TYW3: variants seen among roughly 807,000 people sequenced by gnomAD.
The protein encoded by TYW3 is tRNA wybutosine-synthesizing protein 3 homolog.
In TYW3, 26 loss-of-function variants were observed where a neutral mutation model predicts 23.1. The ratio of observed to expected loss-of-function variants is 1.13; its 90% confidence interval spans 0.83 to 1.56. TYW3 has a LOEUF of 1.56. Among genes scored for constraint, TYW3 ranks in the 40% most tolerant of loss-of-function variants. TYW3 has a pLI of 0.00. For missense variants in TYW3, 316 were observed against 311.9 expected, an observed-to-expected ratio of 1.01 and a Z score of -0.10; for synonymous variants, 102 against 105.7, an observed-to-expected ratio of 0.97 and a Z score of 0.21.
At chr1:74,741,340 TGGTTCGCA>T (rs1384867498) in intron 3 of TYW3, among the ~76,000 whole-genome samples, 1 of 150,362 alleles carries the variant, frequency 6.7e-6, no homozygotes, top group Non-Finnish European at 1.5e-5. Context: ...AGTCCTCCAA[TGGTTCGCA>T]GGTGTATCGA....
intron 3 of TYW3, among the ~76,000 whole-genome samples, chr1:74,741,412 C>G (rs752757821): frequency 6.7e-6 from 1 of 148,632 alleles, no homozygotes; most frequent in African/African-American, 2.5e-5. Flanking sequence ...CAGGTTCCTC[C>G]GGGGGTGTCC....
At position 74,746,446 on chromosome 1, in the gene TYW3, A is replaced by T. The variant is rs545272987; in HGVS notation, c.355-2305A>T. 9.2e-5 allele frequency among the ~76,000 whole-genome samples: 14 copies of T among 152,156 alleles called. No homozygotes were observed. In the East Asian group the frequency reaches 2.5e-3, roughly 27 times the overall value. ...CTTTAACTCTCCTGTTTCTATATCC[A>T]TGTTCTGTTCTCTGTGCTAATCCTG... On this transcript the variant is annotated intron_variant, in intron 3 of 5. Transcript: ENST00000370867.
In TYW3 at chr1:74,764,167, T is replaced by C. The variant is rs1001855450; in HGVS notation, c.*54T>C. On this transcript the variant is annotated 3_prime_UTR_variant, in exon 6 of 6. Transcript: ENST00000370867. ...ATGTTTCTAGTAGGTTTTATAAAGC[T>C]GCTCTTCATAAGAGTATTTTAGTTT... 1 of 1,489,116 alleles carries C rather than the reference T, an allele frequency of 6.7e-7. No homozygotes were observed. The highest frequency in any genetic ancestry group is 9.2e-7 in the Non-Finnish European group (1 of 1,091,382). The allele number at this position is 1,489,116 out of a possible 1,614,324, so 92.2% of individuals were successfully genotyped here.
intron 5 of TYW3, among the ~76,000 whole-genome samples, chr1:74,761,204 A>G (rs1649127940): frequency 6.6e-6 from 1 of 152,176 alleles, no homozygotes; most frequent in East Asian, 1.9e-4. Flanking sequence ...CTGTTTCTCA[A>G]AGGACTTTTA....
intron 5 of TYW3, among the ~76,000 whole-genome samples, chr1:74,756,403 C>T (rs1005469774): frequency 3.9e-5 from 6 of 152,116 alleles, no homozygotes; most frequent in African/African-American, 9.7e-5. Context: ...CTGATGTAGT[C>T]TCAGATGGAG....
At chr1:74,747,451 A>C (rs891734165) in intron 3 of TYW3, among the ~76,000 whole-genome samples, 1 of 151,486 alleles carries the variant, frequency 6.6e-6, no homozygotes, top group East Asian at 1.9e-4. Flanking sequence ...TCCCGGCTAA[A>C]ACAGTGAAAC....
chr1:74,733,259 G>A lies in TYW3; in HGVS notation c.15G>A (p.Ala5=), dbSNP rs1181983383. The change falls in exon 1 of 6, where the codon GCG becomes GCA. Residue 5 remains alanine, a synonymous_variant. Coordinates refer to ENST00000370867, the MANE Select transcript of TYW3 (RefSeq NM_138467.3). MDRS[A]EFRKWKAQCL... The stretch of plus-strand genomic sequence containing the variant: ...GTCCGTCACCCATGGATCGCAGCGC[G>A]GAGTTCAGGAAATGGAAGGCGCAAT... The A allele has an allele frequency of 1.2e-6, 2 of 1,614,126 alleles. No homozygotes were observed. Among genetic ancestry groups the A allele is most frequent in the Non-Finnish European group, 1.7e-6 (2 of 1,179,998 alleles).
intron 5 of TYW3, among the ~76,000 whole-genome samples, chr1:74,760,500 TC>T (rs2100778134): frequency 1.3e-5 from 2 of 152,330 alleles, no homozygotes; most frequent in East Asian, 3.9e-4. Context: ...ATTGTCAGCT[TC>T]CATTCATCCT....
intron 4 of TYW3, 135 bp from the exon 5 acceptor site, chr1:74,752,157 C>T: frequency 1.2e-6 from 1 of 842,642 alleles, no homozygotes; most frequent in South Asian, 3.3e-5. Flanking sequence ...CAGCTAAATT[C>T]TATCAAAGCG....
chr1:74,763,878 A>G lies in TYW3; in HGVS notation c.561-16A>G, dbSNP rs1413116827. The G allele has an allele frequency of 1.3e-6, 2 of 1,575,116 alleles. No homozygotes were observed. Among genetic ancestry groups the G allele is most frequent in the South Asian group, 2.4e-5 (2 of 84,106 alleles). On this transcript the variant is annotated splice_polypyrimidine_tract_variant and intron_variant, in intron 5 of 5. Coordinates refer to ENST00000370867, the MANE Select transcript of TYW3 (RefSeq NM_138467.3). ...CAGTACACACAGATATAATAGTAGT[A>G]CTTATTTCTTCACAGGTTTTACAAC...
At chr1:74,739,533 A>G (rs915959122) in intron 3 of TYW3, among the ~76,000 whole-genome samples, 1 of 152,256 alleles carries the variant, frequency 6.6e-6, no homozygotes, top group Non-Finnish European at 1.5e-5. Flanking sequence ...TAGCTGGGAA[A>G]TGAACATTCC....
intron 5 of TYW3, among the ~76,000 whole-genome samples, chr1:74,757,773 G>T (rs1024342858): frequency 6.6e-6 from 1 of 152,088 alleles, no homozygotes; most frequent in Admixed American, 6.6e-5. Flanking sequence ...CTGGTGGGAG[G>T]TAATTGAATC....
chr1:74,764,360 T>C lies in TYW3; in HGVS notation c.*247T>C, dbSNP rs1649229734. The C allele has an allele frequency of 5.8e-6, 2 of 343,440 alleles. No homozygotes were observed. The highest frequency in any genetic ancestry group is 1.0e-5 in the Non-Finnish European group (2 of 191,456). 21.3% of individuals were successfully genotyped at this position (343,440 alleles called of 1,614,324 possible). On this transcript the variant is annotated 3_prime_UTR_variant, in exon 6 of 6. Transcript: ENST00000370867. ...AGTTATCCCTACTTTTTTACCAGTT[T>C]CTCCCAGAAGCACCTGCTTAATAAA...
intron 5 of TYW3, among the ~76,000 whole-genome samples, chr1:74,762,522 T>A (rs1649168019): frequency 6.6e-6 from 1 of 152,116 alleles, no homozygotes; most frequent in Non-Finnish European, 1.5e-5. Flanking sequence ...AATATAGTCT[T>A]ACTGAGTATG....
intron 3 of TYW3, among the ~76,000 whole-genome samples, chr1:74,746,998 G>A (rs938167465): frequency 5.3e-5 from 8 of 152,202 alleles, no homozygotes; most frequent in Admixed American, 4.6e-4. Flanking sequence ...CAGAAGGGAA[G>A]CCACTCAAGG....
At chr1:74,734,443 A>C (rs1240738924) in intron 1 of TYW3, among the ~76,000 whole-genome samples, 1 of 152,358 alleles carries the variant, frequency 6.6e-6, no homozygotes, top group South Asian at 2.1e-4. Flanking sequence ...TGGATCTGCC[A>C]ACAGTAAGTT....
chr1:74,733,284 T>A lies in TYW3; in HGVS notation c.40T>A (p.Cys14Ser). The change falls in exon 1 of 6, where the codon TGT (cysteine) becomes AGT (serine). Residue 14 changes from cysteine to serine, a missense_variant. By Grantham distance (112) the Cys-to-Ser change is moderately radical (BLOSUM62 -1). Coordinates refer to ENST00000370867, the MANE Select transcript of TYW3 (RefSeq NM_138467.3). ...GGAGTTCAGGAAATGGAAGGCGCAATGTTTGAGCAAAGCGGACCTCAGCCG... is the reference window on the plus strand; with the variant it reads ...GGAGTTCAGGAAATGGAAGGCGCAAAGTTTGAGCAAAGCGGACCTCAGCCG... ...SAEFRKWKAQ[C>S]LSKADLSRKG... 1 of 1,614,112 alleles carries A rather than the reference T, an allele frequency of 6.2e-7. No individual in the cohort carries two copies. The highest frequency in any genetic ancestry group is 1.3e-5 in the African/African-American group (1 of 75,034).
chr1:74,755,358 C>G (rs1648917013), intron 5 of TYW3, among the ~76,000 whole-genome samples: 1 of 152,166 alleles, frequency 6.6e-6, no homozygotes, highest in Non-Finnish European at 1.5e-5. Flanking sequence ...TACTCCATTC[C>G]CCTGGTAATC....
At chr1:74,750,164 A>G (rs1648728726) in intron 4 of TYW3, 1 of 152,226 alleles carries the variant, frequency 6.6e-6, no homozygotes, top group African/African-American at 2.4e-5. Context: ...CCAGCCCTCA[A>G]GATCCCTAAC....
Sources: gnomAD v4.1 joint callset for allele counts (sites outside exome capture counted in the v4.1 genomes callset) on GRCh38, gnomAD v4.1.1 for gene constraint, MANE v1.5 for transcripts, NCBI Gene and HGNC (gene_info 2026-07-23, HGNC 2026-07-21) for gene names.